The following SYT1 variants were observed in gnomAD, a reference collection of about 807,000 sequenced individuals.
The protein encoded by SYT1 is synaptotagmin-1.
In SYT1, 8 loss-of-function variants were observed where a neutral mutation model predicts 44.8. The ratio of observed to expected loss-of-function variants is 0.18; its 90% CI spans 0.10 to 0.32. The LOEUF is 0.32. SYT1 is among the 10% of genes least tolerant of loss of function. SYT1 has a pLI of 1.00. For missense variants in SYT1, 286 were observed against 509.3 expected, an observed-to-expected ratio of 0.56 and a Z score of 4.22; for synonymous variants, 154 against 188.8, an observed-to-expected ratio of 0.82 and a Z score of 1.51.
At chr12:79,056,495 T>C (rs1209965216) in intron 3 of SYT1, among the ~76,000 whole-genome samples, 1 of 152,028 alleles carries the variant, frequency 6.6e-6, no homozygotes. Flanking sequence ...GTAGGCTGAA[T>C]CAGTATGCAT....
At chr12:79,339,203 CA>C (rs1458262998) in intron 8 of SYT1, among the ~76,000 whole-genome samples, 1 of 152,146 alleles carries the variant, frequency 6.6e-6, no homozygotes, top group Non-Finnish European at 1.5e-5. Flanking sequence ...ATGGCTGGGT[CA>C]AATGGTATTT....
chr12:79,451,142 A>G lies in SYT1; in HGVS notation c.*2018A>G, dbSNP rs1290746405. ...CAGTAAAACTGGAATTCCTGTCGTT[A>G]CTGTTTCCTTATCAAAGAAGGGGCA... is the stretch of plus-strand genomic sequence containing the variant. On this transcript the variant is annotated 3_prime_UTR_variant, in exon 11 of 11. Coordinates refer to ENST00000261205, the MANE Select transcript of SYT1 (RefSeq NM_005639.3). 2.0e-5 allele frequency: 3 copies of G among 152,228 alleles called. No homozygotes were observed. The highest frequency in any genetic ancestry group is 4.4e-5 in the Non-Finnish European group (3 of 68,046). The allele number at this position is 152,228 out of a possible 1,614,324, so 9.4% of individuals were successfully genotyped here. A position where few individuals can be genotyped will look rare whatever the true frequency, so the allele number is the denominator to read the frequency against.
intron 3 of SYT1, among the ~76,000 whole-genome samples, chr12:79,144,491 C>T (rs1869755293): frequency 6.6e-6 from 1 of 152,070 alleles, no homozygotes; most frequent in Admixed American, 6.6e-5. Flanking sequence ...TGTGCAAGGA[C>T]CCTTTCCAAG....
chr12:79,289,244 C>T (rs1351243688), intron 5 of SYT1, among the ~76,000 whole-genome samples: 1 of 152,194 alleles, frequency 6.6e-6, no homozygotes, highest in Non-Finnish European at 1.5e-5. Flanking sequence ...CTGATGTTCC[C>T]AACCCAGCTT....
intron 2 of SYT1, among the ~76,000 whole-genome samples, chr12:79,035,880 TG>T (rs1873096905): frequency 6.6e-6 from 1 of 150,874 alleles, no homozygotes; most frequent in Admixed American, 6.7e-5. Flanking sequence ...ATGTGATAAG[TG>T]CCCTGGCCTC....
At chr12:79,068,095 C>T (rs1200180450) in intron 3 of SYT1, among the ~76,000 whole-genome samples, 1 of 152,118 alleles carries the variant, frequency 6.6e-6, no homozygotes, top group Non-Finnish European at 1.5e-5. Context: ...GCAAAAAATT[C>T]AGGCCAAAAA....
At chr12:79,424,380 G>A (rs1335100904) in intron 9 of SYT1, among the ~76,000 whole-genome samples, 2 of 152,048 alleles carry the variant, frequency 1.3e-5, no homozygotes, top group African/African-American at 4.8e-5. Context: ...TTGTGTTTGT[G>A]TGCTGTGTGT....
chr12:79,133,084 C>G (rs1868954950), intron 3 of SYT1, among the ~76,000 whole-genome samples: 1 of 151,992 alleles, frequency 6.6e-6, no homozygotes, highest in Non-Finnish European at 1.5e-5. Context: ...TTACTAGAGG[C>G]TTGGAATGTG....
At chr12:79,366,943 TGTG>T (rs1883572736) in intron 9 of SYT1, among the ~76,000 whole-genome samples, 5 of 140,364 alleles carry the variant, frequency 3.6e-5, no homozygotes, top group African/African-American at 1.3e-4. Flanking sequence ...TGTGTGTGTG[TGTG>T]TTCAAAGAAT....
chr12:79,106,271 G>C (rs1329102565), intron 3 of SYT1, among the ~76,000 whole-genome samples: 3 of 152,152 alleles, frequency 2.0e-5, no homozygotes, highest in Admixed American at 6.5e-5. Flanking sequence ...GAATACTAAG[G>C]ATATAACCCT....
chr12:79,393,139 C>CT (rs1056684883), intron 9 of SYT1: 1 of 152,018 alleles, frequency 6.6e-6, no homozygotes, highest in African/African-American at 2.4e-5. Flanking sequence ...TGAACTCATC[C>CT]TTTTTTGTGG....
intron 1 of SYT1, among the ~76,000 whole-genome samples, chr12:78,940,520 G>C (rs1878292259): frequency 6.6e-6 from 1 of 152,046 alleles, no homozygotes; most frequent in Non-Finnish European, 1.5e-5. Flanking sequence ...CTCCTGAGTA[G>C]CTGGGACAAC....
At chr12:79,238,561 T>C (rs1482523905) in intron 4 of SYT1, among the ~76,000 whole-genome samples, 1 of 152,148 alleles carries the variant, frequency 6.6e-6, no homozygotes, top group African/African-American at 2.4e-5. Context: ...TTCTCTTCCA[T>C]AAGAGGACAA....
At chr12:79,364,318 T>C (rs1241293966) in intron 9 of SYT1, among the ~76,000 whole-genome samples, 1 of 151,202 alleles carries the variant, frequency 6.6e-6, no homozygotes, top group East Asian at 1.9e-4. Context: ...CACATTACTG[T>C]AGTTATACCT....
chr12:79,151,073 G>C lies in SYT1; in HGVS notation c.-17-66430G>C, dbSNP rs187144286. ...TAATGACTGTGCCACAGACCCAGAGGCTGCTGGCTTCACCTCAGAGTCCTG... is the reference window on the plus strand; with the variant it reads ...TAATGACTGTGCCACAGACCCAGAGCCTGCTGGCTTCACCTCAGAGTCCTG... On this transcript the variant is annotated intron_variant, in intron 3 of 10. Coordinates refer to ENST00000261205, the MANE Select transcript of SYT1 (RefSeq NM_005639.3). Among the ~76,000 whole-genome samples, 9 of 152,264 alleles carry C rather than the reference G, an allele frequency of 5.9e-5. No homozygotes were observed. In the East Asian group the frequency reaches 1.5e-3, roughly 26 times the overall value.
intron 3 of SYT1, among the ~76,000 whole-genome samples, chr12:79,098,000 T>C (rs1479616655): frequency 6.6e-6 from 1 of 152,032 alleles, no homozygotes; most frequent in Non-Finnish European, 1.5e-5. Flanking sequence ...ACTTGTTTTG[T>C]TCTCCTGAAA....
chr12:78,993,090 C>G (rs1464502099), intron 2 of SYT1, among the ~76,000 whole-genome samples: 1 of 152,116 alleles, frequency 6.6e-6, no homozygotes, highest in Non-Finnish European at 1.5e-5. Flanking sequence ...GCAACTCATC[C>G]CTTCTGATGG....
chr12:79,105,485 C>G (rs77143482), intron 3 of SYT1, among the ~76,000 whole-genome samples: 1 of 152,126 alleles, frequency 6.6e-6, no homozygotes, highest in African/African-American at 2.4e-5. Context: ...AGGAGAAAAT[C>G]CTTGCACTCC....
At chr12:79,181,565 T>G (rs1253735951) in intron 3 of SYT1, among the ~76,000 whole-genome samples, 2 of 152,128 alleles carry the variant, frequency 1.3e-5, no homozygotes, top group East Asian at 3.9e-4. Flanking sequence ...CCTTTCTAGA[T>G]GTCTAATATA....
Sources: gnomAD v4.1 joint callset for allele counts (sites outside exome capture counted in the v4.1 genomes callset) on GRCh38, gnomAD v4.1.1 for gene constraint, MANE v1.5 for transcripts, NCBI Gene and HGNC (gene_info 2026-07-23, HGNC 2026-07-21) for gene names.